Variants in TRIM14 observed in about 807,000 individuals in gnomAD.
The protein encoded by TRIM14 is tripartite motif containing 14, also known as tripartite motif-containing protein 14.
A neutral mutation model predicts 44.5 loss-of-function variants in TRIM14; 28 were observed. The observed-to-expected ratio is 0.63, with a 90% CI of 0.47 to 0.86. The LOEUF (loss-of-function observed/expected upper bound fraction) is 0.86. TRIM14 is among the 40% of genes least tolerant of loss of function. TRIM14 has a pLI of 0.00. For synonymous variants in TRIM14, 299 were observed against 269.2 expected, an observed-to-expected ratio of 1.11 and a Z score of -1.08; for missense variants, 607 against 611.1, an observed-to-expected ratio of 0.99 and a Z score of 0.07.
the TRIM14 span, among the ~76,000 whole-genome samples, chr9:98,058,468 G>A: frequency 6.6e-6 from 1 of 152,142 alleles, no homozygotes; most frequent in African/African-American, 2.4e-5. Context: ...AATACAGTAA[G>A]GGGTTTTTTC....
intron 2 of TRIM14, among the ~76,000 whole-genome samples, chr9:98,107,087 G>A (rs1826642845): frequency 6.6e-6 from 1 of 151,932 alleles, no homozygotes; most frequent in Non-Finnish European, 1.5e-5. Context: ...ACCATGATAA[G>A]GTATCACTAC....
At chr9:98,100,225 C>T in intron 2 of TRIM14, 61 bp from the exon 3 acceptor site, 3 of 1,471,272 alleles carry the variant, frequency 2.0e-6, no homozygotes, top group Non-Finnish European at 2.8e-6. Flanking sequence ...CCAGAATAAT[C>T]AACATGAAAA....
the TRIM14 span, among the ~76,000 whole-genome samples, chr9:98,036,372 G>A: frequency 2.6e-5 from 4 of 151,882 alleles, no homozygotes; most frequent in East Asian, 7.7e-4. Flanking sequence ...CTGGTGGCAT[G>A]TGCCTATACT....
chr9:98,060,903 A>G, the TRIM14 span: 6 of 1,614,074 alleles, frequency 3.7e-6, no homozygotes, highest in Non-Finnish European at 5.1e-6. Context: ...GGGGAGCACA[A>G]ACGACATCTG....
Position 98,095,905 on chromosome 9 carries a change from C to T in TRIM14, c.538-876G>A, listed in dbSNP as rs983363803. The stretch of plus-strand genomic sequence containing the variant: ...CATTCCTGCTGCCCATCTTCCATCC[C>T]GACTCTCTGGCCCTCCTGGAGATCC... On this transcript the variant is annotated intron_variant, in intron 3 of 5. Coordinates refer to ENST00000341469, the MANE Select transcript of TRIM14 (RefSeq NM_014788.4). This position sits in a 1 kb window ranked among gnomAD's most constrained non-coding sequence, Gnocchi z 4.1. 2.6e-5 allele frequency among the ~76,000 whole-genome samples: 4 copies of T among 152,188 alleles called. No homozygotes were observed. The highest frequency in any genetic ancestry group is 2.1e-4 in the South Asian group (1 of 4,830).
At chr9:98,058,546 C>T in the TRIM14 span, among the ~76,000 whole-genome samples, 1 of 152,154 alleles carries the variant, frequency 6.6e-6, no homozygotes, top group Admixed American at 6.5e-5. Context: ...AGGGAAATTC[C>T]CACTCTTAAT....
intron 6 of TRIM14, chr9:98,078,258 G>A (rs758657004): frequency 3.0e-5 from 49 of 1,613,966 alleles, no homozygotes; most frequent in Non-Finnish European, 3.9e-5. Flanking sequence ...TTATCAGATC[G>A]TGAAGCCCCT....
At chr9:98,091,784 A>AAAATAAATAAAT (rs10623512) in intron 5 of TRIM14, 125 bp downstream of exon 5, 28 of 467,602 alleles carry the variant, frequency 6.0e-5, no homozygotes, top group African/African-American at 4.2e-5. Flanking sequence ...ACAAGTTCTT[A>AAAATAAATAAAT]AAATAAATAA....
At chr9:98,102,804 G>A (rs924367375) in intron 2 of TRIM14, among the ~76,000 whole-genome samples, 1 of 152,056 alleles carries the variant, frequency 6.6e-6, no homozygotes. Context: ...CCACTGAATT[G>A]AATACTTTAA....
chr9:98,062,654 A>G, the TRIM14 span, among the ~76,000 whole-genome samples: 2 of 152,062 alleles, frequency 1.3e-5, no homozygotes, highest in African/African-American at 4.8e-5. Context: ...AGTTAACATT[A>G]TAGCACAAAC....
the TRIM14 span, chr9:98,056,920 C>A: frequency 1.2e-6 from 2 of 1,604,064 alleles, no homozygotes; most frequent in East Asian, 2.3e-5. Flanking sequence ...CGTAGCCAAG[C>A]GCATGATCCG....
chr9:98,119,181 C>T lies in TRIM14; in HGVS notation c.8G>A (p.Gly3Asp). MA[G>D]AATGSRTPGR... ...AGGGGTCCGGCTCCCGGTCGCCGCG[C>T]CCGCCATTCATCTCCACCTCCTCCG... The change falls in exon 1 of 6, where the codon GGC becomes GAC. Residue 3 changes from glycine (G) to aspartate (D), a missense_variant. By Grantham distance (94) the Gly-to-Asp change is moderately conservative (BLOSUM62 -1). This residue lies in a region of TRIM14 where 246 missense variants were observed against 270.8 expected (regional missense o/e 0.91). Transcript: ENST00000341469. 1 of 1,574,420 alleles carries T rather than the reference C, an allele frequency of 6.4e-7. No homozygotes were observed. The highest frequency in any genetic ancestry group is 8.5e-7 in the Non-Finnish European group (1 of 1,170,638).
In TRIM14 at chr9:98,088,009, C is replaced by A; in HGVS notation, c.794-4G>T. On this transcript the variant is annotated splice_region_variant and splice_polypyrimidine_tract_variant and intron_variant, in intron 5 of 5. Transcript: ENST00000341469. ...TCCAGCGTGGGCGTGCGCGCGTCTG[C>A]AGGGGGCGAGACAAGGGACGCACCT... 1.3e-6 allele frequency: 2 copies of A among 1,523,374 alleles called. No individual in the cohort carries two copies. Among genetic ancestry groups the A allele is most frequent in the Non-Finnish European group, 1.7e-6 (2 of 1,149,094 alleles). The allele number at this position is 1,523,374 out of a possible 1,614,324, so 94.4% of individuals were successfully genotyped here. A position where few individuals can be genotyped will look rare whatever the true frequency, so the allele number is the denominator to read the frequency against.
chr9:98,059,472 T>C, the TRIM14 span, among the ~76,000 whole-genome samples: 1 of 152,216 alleles, frequency 6.6e-6, no homozygotes, highest in Non-Finnish European at 1.5e-5. Context: ...TGGAGTGCAG[T>C]GGCACCATCA....
chr9:98,065,308 C>CTTTTTTTTTT (rs758040892), downstream of TRIM14, among the ~76,000 whole-genome samples: 1 of 92,764 alleles, frequency 1.1e-5, no homozygotes, highest in Non-Finnish European at 2.0e-5. Flanking sequence ...ACTCCTGGTG[C>CTTTTTTTTTT]TTTTTTTTTT....
intron 1 of TRIM14, among the ~76,000 whole-genome samples, chr9:98,112,722 T>C (rs1826896090): frequency 6.9e-6 from 1 of 144,418 alleles, no homozygotes. Context: ...CACTTGAATC[T>C]GGGAGGTGGA....
At chr9:98,080,755 C>T, downstream of TRIM14, 1 of 1,516,802 alleles carries the variant, frequency 6.6e-7, no homozygotes, top group African/African-American at 1.4e-5. Context: ...TACGCTTCAC[C>T]TGGAGAATAT....
chr9:98,056,771 CAG>C, the TRIM14 span: 3 of 1,604,148 alleles, frequency 1.9e-6, no homozygotes, highest in Non-Finnish European at 2.5e-6. Flanking sequence ...CGGCCGGACC[CAG>C]ACTGGTAGTG....
chr9:98,044,553 T>C, the TRIM14 span, among the ~76,000 whole-genome samples: 1 of 151,766 alleles, frequency 6.6e-6, no homozygotes, highest in South Asian at 2.1e-4. Context: ...TTTGTATTTT[T>C]AGTAGAGATG....
Sources: gnomAD v4.1 joint callset for allele counts (sites outside exome capture counted in the v4.1 genomes callset) on GRCh38, gnomAD v4.1.1 for gene constraint, gnomAD v4.1.1 regional missense constraint, Gnocchi (gnomAD v3.1) non-coding constraint, MANE v1.5 for transcripts, NCBI Gene and HGNC (gene_info 2026-07-23, HGNC 2026-07-21) for gene names.